The following FAM53B variants were observed in gnomAD, a reference collection of about 807,000 sequenced individuals.
FAM53B encodes family with sequence similarity 53 member B, also known as protein FAM53B.
Under a neutral mutation model 32.7 loss-of-function variants are expected in FAM53B, and 12 were observed. The ratio of observed to expected loss-of-function variants is 0.37; its 90% CI spans 0.24 to 0.59. The LOEUF (loss-of-function observed/expected upper bound fraction) is 0.59, where lower values mean the gene tolerates loss of function less well. FAM53B is among the 20% of genes least tolerant of loss of function. The probability of loss-of-function intolerance (pLI) is 0.72; values close to 1 mark genes in which losing one functional copy is unlikely to be tolerated. For missense variants in FAM53B, 477 were observed against 577.7 expected (o/e 0.83, Z 1.79); for synonymous variants, 234 against 228.7 (o/e 1.02, Z -0.21).
intron 1 of FAM53B, among the ~76,000 whole-genome samples, chr10:124,722,107 G>C (rs893182282): frequency 6.6e-6 from 1 of 152,172 alleles, no homozygotes; most frequent in Non-Finnish European, 1.5e-5. Flanking sequence ...GAAGGAGTAC[G>C]TTCTAGTGTT....
At chr10:124,669,360 AGAGAG>A (rs1949692917) in intron 4 of FAM53B, among the ~76,000 whole-genome samples, 1 of 152,214 alleles carries the variant, frequency 6.6e-6, no homozygotes, top group Non-Finnish European at 1.5e-5. Context: ...GCGCTCTTCC[AGAGAG>A]GCCATGGTGC....
intron 4 of FAM53B, among the ~76,000 whole-genome samples, chr10:124,655,559 A>G (rs937385752): frequency 2.0e-5 from 3 of 152,088 alleles, no homozygotes; most frequent in African/African-American, 7.2e-5. Flanking sequence ...CCTTGGGGTG[A>G]GCGTGGCCAC....
rs931668733 is a variant in FAM53B at position 124,660,753 on chromosome 10, C to T, written c.906+20854G>A. Among the ~76,000 whole-genome samples the T allele has an allele frequency of 3.3e-5, 5 of 152,198 alleles. 1 individual carries two copies. Among genetic ancestry groups the T allele is most frequent in the Non-Finnish European group, 5.9e-5 (4 of 68,042 alleles). ...GTCATCTAGATCAGGTGCCAGCAAA[C>T]TTTTCTTAGAGAGCCAGAGAGTAAA... On this transcript the variant is annotated intron_variant, in intron 4 of 4. Transcript: ENST00000337318.
intron 4 of FAM53B, among the ~76,000 whole-genome samples, chr10:124,677,679 G>A (rs551080379): frequency 6.6e-6 from 1 of 152,334 alleles, no homozygotes; most frequent in South Asian, 2.1e-4. Flanking sequence ...TGGCACTGGG[G>A]TTTTCAGAAG....
In FAM53B at chr10:124,738,296, G is replaced by A. The variant is rs112258999; in HGVS notation, c.-175+5717C>T. ...CAGGAACTTTAAAGATACCAATGCT[G>A]GGTTGCTGCCCCCCTCTCCAAGATT... On this transcript the variant is annotated intron_variant, in intron 1 of 4. Coordinates refer to ENST00000337318, the MANE Select transcript of FAM53B (RefSeq NM_014661.4). Among the ~76,000 whole-genome samples the A allele has an allele frequency of 6.9e-3, 1,049 of 152,152 alleles. 18 individuals carry two copies. The highest frequency in any genetic ancestry group is 0.024 in the African/African-American group (1,001 of 41,482).
intron 2 of FAM53B, among the ~76,000 whole-genome samples, chr10:124,702,196 C>T (rs936379655): frequency 1.3e-5 from 2 of 152,238 alleles, no homozygotes; most frequent in Admixed American, 6.5e-5. Context: ...CCCGGCCTCC[C>T]CCACAGTCAT....
At chr10:124,740,060 T>TCAGC (rs1950191967) in intron 1 of FAM53B, among the ~76,000 whole-genome samples, 1 of 152,142 alleles carries the variant, frequency 6.6e-6, no homozygotes, top group Non-Finnish European at 1.5e-5. Flanking sequence ...AATAAAATCT[T>TCAGC]CAGCTCCAGC....
intron 4 of FAM53B, among the ~76,000 whole-genome samples, chr10:124,666,580 C>G (rs975950609): frequency 7.9e-5 from 12 of 152,202 alleles, no homozygotes; most frequent in African/African-American, 2.4e-4. Flanking sequence ...GCAAAGCTGT[C>G]TTCTCAGCAC....
rs2134029918 is a variant in FAM53B, at chr10:124,619,346, CT to C, written c.*3895del. ...CACAGTACAAGTAACAAGCAAATTC[CT>C]GAGAGACTAGAGCGGCTGGAGTGCA... is the stretch of plus-strand genomic sequence containing the variant. On this transcript the variant is annotated 3_prime_UTR_variant, in exon 5 of 5. Transcript: ENST00000337318. 6.5e-6 allele frequency: 1 copy of C among 152,758 alleles called. No homozygotes were observed. Among genetic ancestry groups the C allele is most frequent in the African/African-American group, 2.4e-5 (1 of 41,564 alleles). 9.5% of individuals were successfully genotyped at this position (152,758 alleles called of 1,614,324 possible).
At chr10:124,627,033 C>G (rs1949360265) in intron 4 of FAM53B, among the ~76,000 whole-genome samples, 1 of 152,258 alleles carries the variant, frequency 6.6e-6, no homozygotes, top group South Asian at 2.1e-4. Context: ...TTCAAATATA[C>G]CTGCTTCCTG....
chr10:124,647,425 T>A (rs1057450678), intron 4 of FAM53B, among the ~76,000 whole-genome samples: 1 of 152,142 alleles, frequency 6.6e-6, no homozygotes, highest in African/African-American at 2.4e-5. Flanking sequence ...AGTGTTGATC[T>A]GTACATTTTG....
At chr10:124,653,472 C>T (rs1183158295) in intron 4 of FAM53B, among the ~76,000 whole-genome samples, 2 of 152,212 alleles carry the variant, frequency 1.3e-5, no homozygotes, top group Non-Finnish European at 2.9e-5. Context: ...AGGCCTCACT[C>T]TCCGTGTTAC....
chr10:124,645,098 G>A (rs1007983517), intron 4 of FAM53B, among the ~76,000 whole-genome samples: 12 of 152,352 alleles, frequency 7.9e-5, no homozygotes, highest in African/African-American at 2.9e-4. Context: ...TCAAGCAAGG[G>A]CCCAGGGTAC....
rs1424957769 is a variant in FAM53B at position 124,719,859 on chromosome 10, T to C, written c.-174-12972A>G. Among the ~76,000 whole-genome samples the C allele has an allele frequency of 3.3e-5, 5 of 152,066 alleles. No homozygotes were observed. The South Asian group carries it at 1.0e-3, about 32-fold the overall frequency. On this transcript the variant is annotated intron_variant, in intron 1 of 4. Coordinates refer to ENST00000337318, the MANE Select transcript of FAM53B (RefSeq NM_014661.4). ...CAAAAATGTGCAGGAGAAGGAAAAG[T>C]TACACATCAAAAAACCAACACGGCC... is the stretch of plus-strand genomic sequence containing the variant.
chr10:124,628,553 C>A (rs946249119), intron 4 of FAM53B, among the ~76,000 whole-genome samples: 2 of 152,208 alleles, frequency 1.3e-5, no homozygotes, highest in African/African-American at 2.4e-5. Flanking sequence ...ACTGCTGTCT[C>A]TGGCCAGGCT....
chr10:124,729,557 A>C (rs551101474), intron 1 of FAM53B, among the ~76,000 whole-genome samples: 1 of 152,256 alleles, frequency 6.6e-6, no homozygotes, highest in South Asian at 2.1e-4. Context: ...CTGGTATGTC[A>C]TTCTTGCATT....
intron 3 of FAM53B, among the ~76,000 whole-genome samples, chr10:124,684,703 G>C (rs1033998555): frequency 1.3e-5 from 2 of 152,088 alleles, no homozygotes; most frequent in African/African-American, 4.8e-5. Flanking sequence ...ATTTTTTGTA[G>C]ACATGGGGTT....
intron 4 of FAM53B, among the ~76,000 whole-genome samples, chr10:124,677,615 G>A (rs377602850): frequency 6.6e-6 from 1 of 152,250 alleles, no homozygotes; most frequent in African/African-American, 2.4e-5. Flanking sequence ...CCCGACTCAG[G>A]ATCCAGATGG....
intron 4 of FAM53B, among the ~76,000 whole-genome samples, chr10:124,626,397 C>CCG (rs1554901917): frequency 3.4e-5 from 5 of 146,378 alleles, no homozygotes; most frequent in African/African-American, 1.2e-4. Flanking sequence ...TGCCCCCCCC[C>CCG]CCCCCACCAT....
Sources: allele counts gnomAD v4.1 joint callset (sites outside exome capture counted in the v4.1 genomes callset), GRCh38; gene constraint gnomAD v4.1.1; transcripts MANE v1.5; gene names NCBI Gene and HGNC (gene_info 2026-07-23, HGNC 2026-07-21).